Variants in ZNF536 observed in about 807,000 individuals in gnomAD.
ZNF536 encodes zinc finger protein 536.
In ZNF536, 13 loss-of-function variants were observed where a neutral mutation model predicts 84.5. The ratio of observed to expected loss-of-function variants is 0.15; its 90% CI spans 0.10 to 0.24. The LOEUF (loss-of-function observed/expected upper bound fraction) is 0.24. Ranked by LOEUF, ZNF536 falls within the 10% of genes least tolerant of loss-of-function variation. The pLI is 1.00. For synonymous variants in ZNF536, 811 were observed against 742.5 expected (o/e 1.09, Z -1.50); for missense variants, 1,536 against 1,747.5 (o/e 0.88, Z 2.16).
At chr19:30,378,483 A>T (rs1486569159) in intron 1 of ZNF536, among the ~76,000 whole-genome samples, 2 of 152,100 alleles carry the variant, frequency 1.3e-5, no homozygotes, top group African/African-American at 2.4e-5. Flanking sequence ...TTTAGCAGAG[A>T]TGGGGTTTTG....
chr19:30,645,754 G>A (rs1018846674), intron 1 of ZNF536, among the ~76,000 whole-genome samples: 5 of 152,202 alleles, frequency 3.3e-5, no homozygotes, highest in East Asian at 1.9e-4. Context: ...GATGAGGGCC[G>A]TCTGCTAGTG....
chr19:30,285,593 G>T (rs1326115892), intron 2 of ZNF536, among the ~76,000 whole-genome samples: 1 of 152,124 alleles, frequency 6.6e-6, no homozygotes, highest in African/African-American at 2.4e-5. Context: ...AGGTATAGCC[G>T]AGCCAGTGGA....
At chr19:30,281,741 G>A (rs921587629) in intron 1 of ZNF536, among the ~76,000 whole-genome samples, 1 of 152,192 alleles carries the variant, frequency 6.6e-6, no homozygotes, top group Non-Finnish European at 1.5e-5. Context: ...ACCTGTGGAG[G>A]TTCCCTTATT....
At chr19:30,244,679 C>T (rs1443762957) in intron 1 of ZNF536, among the ~76,000 whole-genome samples, 2 of 152,220 alleles carry the variant, frequency 1.3e-5, no homozygotes, top group South Asian at 2.1e-4. Context: ...TTGCTCCTTG[C>T]CCCTGAAGCT....
At chr19:30,508,149 C>A (rs530045081) in intron 2 of ZNF536, among the ~76,000 whole-genome samples, 1 of 152,206 alleles carries the variant, frequency 6.6e-6, no homozygotes, top group Non-Finnish European at 1.5e-5. Flanking sequence ...TCGGCTCCCC[C>A]TGCCTCACCA....
rs548989499 is a variant in ZNF536 at position 30,557,200 on chromosome 19, C to G, written c.*36C>G. ...CCTAGTCGGTCTATCTGGACTTGCCCTTGTCTGTTCGTGGTCCTCGGTGGT... is the reference window on the plus strand; with the variant it reads ...CCTAGTCGGTCTATCTGGACTTGCCGTTGTCTGTTCGTGGTCCTCGGTGGT... On this transcript the variant is annotated 3_prime_UTR_variant, in exon 5 of 5. Coordinates refer to ENST00000355537, the MANE Select transcript of ZNF536 (RefSeq NM_014717.3). The G allele has an allele frequency of 5.0e-6, 8 of 1,612,106 alleles. No homozygotes were observed. The highest frequency in any genetic ancestry group is 6.8e-6 in the Non-Finnish European group (8 of 1,178,738).
chr19:30,283,742 G>GGAGAGA (rs3085764), intron 1 of ZNF536, among the ~76,000 whole-genome samples: 2 of 146,648 alleles, frequency 1.4e-5, no homozygotes, highest in Non-Finnish European at 3.0e-5. Context: ...AGAGAGAGAG[G>GGAGAGA]GAGAGAGAGA....
chr19:30,664,065 A>G (rs1381875977), intron 1 of ZNF536, among the ~76,000 whole-genome samples: 1 of 152,176 alleles, frequency 6.6e-6, no homozygotes, highest in Non-Finnish European at 1.5e-5. Context: ...TGTGAAGGAG[A>G]TCATATGATA....
chr19:30,446,584 G>A (rs866612233), intron 2 of ZNF536, among the ~76,000 whole-genome samples: 2 of 151,898 alleles, frequency 1.3e-5, no homozygotes. Context: ...AAATTACAAC[G>A]TGGCTCACCT....
intron 1 of ZNF536, among the ~76,000 whole-genome samples, chr19:30,568,926 G>C (rs1168838680): frequency 6.6e-6 from 1 of 152,200 alleles, no homozygotes; most frequent in African/African-American, 2.4e-5. Flanking sequence ...TGCTCCTCCT[G>C]AAAATAAGTT....
chr19:30,312,768 C>T (rs910330677), intron 2 of ZNF536, among the ~76,000 whole-genome samples: 5 of 152,166 alleles, frequency 3.3e-5, no homozygotes, highest in African/African-American at 7.2e-5. Context: ...GTATGGTCTT[C>T]GGACTGTGCC....
chr19:30,613,916 G>T (rs1281849172), intron 1 of ZNF536, among the ~76,000 whole-genome samples: 1 of 152,168 alleles, frequency 6.6e-6, no homozygotes, highest in Non-Finnish European at 1.5e-5. Flanking sequence ...GGGCTGGAGC[G>T]CAGTGGTACG....
chr19:30,234,644 C>T lies in ZNF536; in HGVS notation c.-190+5971C>T, dbSNP rs190975019. Among the ~76,000 whole-genome samples the T allele has an allele frequency of 3.3e-5, 5 of 152,120 alleles. No individual in the cohort carries two copies. The East Asian group carries it at 9.7e-4, about 30-fold the overall frequency. ...CTCAAACTCCTGACCTCAGGTGATC[C>T]ACCTGCCTCAGCCTCCCAAAGTGCT... On this transcript the variant is annotated intron_variant, in intron 1 of 5. Transcript: ENST00000585628.
intron 1 of ZNF536, among the ~76,000 whole-genome samples, chr19:30,617,647 G>A (rs776198301): frequency 3.2e-4 from 48 of 151,880 alleles, no homozygotes; most frequent in Non-Finnish European, 6.5e-4. Context: ...ACCACACCTG[G>A]CCTGAATAGC....
intron 1 of ZNF536, among the ~76,000 whole-genome samples, chr19:30,415,820 C>G (rs968906837): frequency 6.6e-6 from 1 of 152,158 alleles, no homozygotes; most frequent in African/African-American, 2.4e-5. Context: ...CCGTGTTAGC[C>G]AGGTTGGTCT....
chr19:30,579,969 G>T (rs927816294), intron 1 of ZNF536, among the ~76,000 whole-genome samples: 1 of 152,182 alleles, frequency 6.6e-6, no homozygotes, highest in African/African-American at 2.4e-5. Flanking sequence ...TTGAAAGATT[G>T]TATGGCTTCT....
At chr19:30,328,029 G>A (rs1337294468) in intron 2 of ZNF536, among the ~76,000 whole-genome samples, 2 of 152,224 alleles carry the variant, frequency 1.3e-5, no homozygotes, top group Admixed American at 1.3e-4. Context: ...GCTTTGTAAG[G>A]TGGGTGTGGA....
intron 1 of ZNF536, among the ~76,000 whole-genome samples, chr19:30,651,466 G>C (rs2049703132): frequency 6.6e-6 from 1 of 152,168 alleles, no homozygotes; most frequent in South Asian, 2.1e-4. Context: ...TGATTTTTCA[G>C]AACAAAATAT....
chr19:30,503,355 G>A (rs1439201717), intron 2 of ZNF536, among the ~76,000 whole-genome samples: 1 of 152,130 alleles, frequency 6.6e-6, no homozygotes, highest in Admixed American at 6.5e-5. Flanking sequence ...ATGAGCAGGC[G>A]ATTCAGAGAA....
Sources: gnomAD v4.1 joint callset for allele counts (sites outside exome capture counted in the v4.1 genomes callset) on GRCh38, gnomAD v4.1.1 for gene constraint, MANE v1.5 for transcripts, NCBI Gene and HGNC (gene_info 2026-07-23, HGNC 2026-07-21) for gene names.